Variants in CPNE5 observed in about 807,000 individuals in gnomAD.
CPNE5 encodes the protein copine 5, also known as copine-5.
Under a neutral mutation model 81.1 loss-of-function variants are expected in CPNE5, and 42 were observed. The observed-to-expected ratio is 0.52, with a 90% CI of 0.40 to 0.67. CPNE5 has a LOEUF of 0.67. Ranked by LOEUF, CPNE5 falls within the 30% of genes least tolerant of loss-of-function variation. CPNE5 has a pLI of 0.00. For missense variants in CPNE5, 612 were observed against 815.5 expected, an observed-to-expected ratio of 0.75 and a Z score of 3.04; for synonymous variants, 313 against 321.5, an observed-to-expected ratio of 0.97 and a Z score of 0.28.
At chr6:36,789,323 A>G (rs1768882153) in intron 8 of CPNE5, among the ~76,000 whole-genome samples, 1 of 152,192 alleles carries the variant, frequency 6.6e-6, no homozygotes, top group Non-Finnish European at 1.5e-5. Flanking sequence ...GAAGGGTTTA[A>G]CACCTGATAG....
intron 7 of CPNE5, among the ~76,000 whole-genome samples, chr6:36,793,410 C>T (rs1207322020): frequency 6.6e-6 from 1 of 152,176 alleles, no homozygotes; most frequent in African/African-American, 2.4e-5. Context: ...AGCCCCTCCC[C>T]ACCCGCTGGT....
intron 3 of CPNE5, among the ~76,000 whole-genome samples, chr6:36,816,805 G>A: frequency 6.6e-6 from 1 of 152,160 alleles, no homozygotes; most frequent in East Asian, 1.9e-4. Context: ...TCGAGACAGG[G>A]TCTCATTCTG....
chr6:36,793,000 C>T (rs903461076), intron 7 of CPNE5, among the ~76,000 whole-genome samples: 1 of 152,118 alleles, frequency 6.6e-6, no homozygotes, highest in African/African-American at 2.4e-5. Context: ...ATATAATGAG[C>T]GTGACTGTAT....
In CPNE5 at chr6:36,778,952, G is replaced by A. The variant is rs747541078; in HGVS notation, c.534C>T (p.Val178=). 4 of 1,590,756 alleles carry A rather than the reference G, an allele frequency of 2.5e-6. No individual in the cohort carries two copies. The highest frequency in any genetic ancestry group is 1.1e-5 in the South Asian group (1 of 90,554). The change falls in exon 9 of 21, where the codon GTC becomes GTT. Residue 178 remains valine, a synonymous_variant. Coordinates refer to ENST00000244751, the MANE Select transcript of CPNE5 (RefSeq NM_020939.2). ...SAEELSNCRD[V]ATMQFCANKL... Reference sequence around the variant, plus strand: ...TGTTGGCACAGAACTGCATGGTGGCGACATCCTGGTGGGAGGGAGGGAGAA... The same window carrying A: ...TGTTGGCACAGAACTGCATGGTGGCAACATCCTGGTGGGAGGGAGGGAGAA...
intron 9 of CPNE5, among the ~76,000 whole-genome samples, chr6:36,775,692 C>T (rs1308212897): frequency 6.6e-6 from 1 of 152,184 alleles, no homozygotes; most frequent in Non-Finnish European, 1.5e-5. Flanking sequence ...ATCCCCTAGA[C>T]TCCTCCCAGA....
At chr6:36,744,563 C>A (rs1763916280) in intron 18 of CPNE5, 1 of 575,808 alleles carries the variant, frequency 1.7e-6, no homozygotes, top group Non-Finnish European at 3.1e-6. Flanking sequence ...GGGAATGGGT[C>A]ATAGGTCTGC....
intron 9 of CPNE5, 40 bp downstream of exon 9, chr6:36,778,813 GA>G: frequency 7.3e-7 from 1 of 1,369,728 alleles, no homozygotes; most frequent in South Asian, 1.2e-5. Context: ...CCCCAGAAGG[GA>G]CGAGAAGGTG....
At chr6:36,814,930 G>T (rs902946436) in intron 3 of CPNE5, among the ~76,000 whole-genome samples, 3 of 152,144 alleles carry the variant, frequency 2.0e-5, no homozygotes, top group Non-Finnish European at 4.4e-5. Flanking sequence ...ACTTTGGGAG[G>T]CCAAGGCAGG....
In CPNE5 at chr6:36,774,153, A is replaced by G. The variant is rs141538946; in HGVS notation, c.737+808T>C. Among the ~76,000 whole-genome samples the G allele has an allele frequency of 8.7e-3, 1,322 of 151,618 alleles. 16 individuals carry two copies. The highest frequency in any genetic ancestry group is 0.03 in the African/African-American group (1,240 of 41,304). On this transcript the variant is annotated intron_variant, in intron 10 of 20. Coordinates refer to ENST00000244751, the MANE Select transcript of CPNE5 (RefSeq NM_020939.2). ...AATCCCAGCACTTTGGGAGGCAGAG[A>G]TGGGTGCATTGCTTGAGCCCAGGAG...
chr6:36,768,325 C>A (rs236426), intron 10 of CPNE5, among the ~76,000 whole-genome samples: 88,745 of 147,750 alleles, frequency 0.6, 26,695 homozygotes, highest in Middle Eastern at 0.64. Flanking sequence ...ACCTCCACCT[C>A]CTGGGTTCAA....
At chr6:36,829,355 G>C (rs1019815748) in intron 1 of CPNE5, among the ~76,000 whole-genome samples, 1 of 151,974 alleles carries the variant, frequency 6.6e-6, no homozygotes. Flanking sequence ...AAATTAGCCG[G>C]GTGTGGTGGT....
intron 1 of CPNE5, chr6:36,827,543 T>C (rs1192886381): frequency 3.0e-6 from 3 of 985,336 alleles, no homozygotes; most frequent in Non-Finnish European, 3.6e-6. Flanking sequence ...ATACCACATG[T>C]TGAGACACCG....
chr6:36,811,110 G>A (rs1771063875), intron 3 of CPNE5, among the ~76,000 whole-genome samples: 1 of 152,122 alleles, frequency 6.6e-6, no homozygotes, highest in Non-Finnish European at 1.5e-5. Context: ...TTACCAATGA[G>A]CCTGGCTGCC....
intron 10 of CPNE5, among the ~76,000 whole-genome samples, chr6:36,771,258 T>G (rs56259200): frequency 6.6e-6 from 1 of 152,320 alleles, no homozygotes; most frequent in Non-Finnish European, 1.5e-5. Flanking sequence ...AGCCCTGTCA[T>G]GCCATGTCTT....
At chr6:36,833,546 T>G (rs1773149950) in intron 1 of CPNE5, among the ~76,000 whole-genome samples, 1 of 152,190 alleles carries the variant, frequency 6.6e-6, no homozygotes, top group Non-Finnish European at 1.5e-5. Context: ...CTGCTGACCT[T>G]GAAGAAATGA....
chr6:36,777,758 C>CT (rs1343107262), intron 9 of CPNE5, among the ~76,000 whole-genome samples: 119 of 75,600 alleles, frequency 1.6e-3, no homozygotes, highest in African/African-American at 6.5e-3. Context: ...TGCCTACCCC[C>CT]CCCCCCACCA....
intron 10 of CPNE5, among the ~76,000 whole-genome samples, chr6:36,769,534 C>A (rs1245965951): frequency 6.6e-6 from 1 of 152,240 alleles, no homozygotes. Flanking sequence ...GAAGGTTTCC[C>A]TGCGGCTTAC....
In CPNE5 at chr6:36,768,225, C is replaced by CTTTTTTTTTT. The variant is rs10586762; in HGVS notation, c.738-2859_738-2850dup. On this transcript the variant is annotated intron_variant, in intron 10 of 20. Transcript: ENST00000244751. ...GGCTTTGACTACTCTATTCACAGTT[C>CTTTTTTTTTT]TTTTTTTTTTTTTTTTTTTTTTTTT... is the stretch of plus-strand genomic sequence containing the variant. Among the ~76,000 whole-genome samples the CTTTTTTTTTT allele has an allele frequency of 3.0e-3, 183 of 60,216 alleles. 10 individuals carry two copies. The highest frequency in any genetic ancestry group is 5.5e-3 in the African/African-American group (86 of 15,690). The allele number at this position is 60,216 out of a possible 152,430, so 39.5% of individuals were successfully genotyped here. A position where few individuals can be genotyped will look rare whatever the true frequency, so the allele number is the denominator to read the frequency against.
In CPNE5 at chr6:36,745,140, C is replaced by T; in HGVS notation, c.1339G>A (p.Ala447Thr). 1 of 1,613,360 alleles carries T rather than the reference C, an allele frequency of 6.2e-7. No individual in the cohort carries two copies. The highest frequency in any genetic ancestry group is 8.5e-7 in the Non-Finnish European group (1 of 1,179,480). Residue 447 changes from alanine (A) to threonine (T), a missense_variant, in exon 18 of 21, where the codon GCC becomes ACC. Physicochemically the swap from Ala to Thr is moderately conservative, Grantham distance 58 (BLOSUM62 0). Coordinates refer to ENST00000244751, the MANE Select transcript of CPNE5 (RefSeq NM_020939.2). ...VVTHVARNAA[A>T]VQDGSQYSVL... ...GAGTACTGGGAGCCATCCTGCACGG[C>T]CGCTGCATTCCTGGGTGGGGCAGGT...
Sources: allele counts gnomAD v4.1 joint callset (sites outside exome capture counted in the v4.1 genomes callset), GRCh38; gene constraint gnomAD v4.1.1; transcripts MANE v1.5; gene names NCBI Gene and HGNC (gene_info 2026-07-23, HGNC 2026-07-21).